ZBED6: variants seen among roughly 807,000 people sequenced by gnomAD.
ZBED6 encodes zinc finger BED-type containing 6.
A neutral mutation model predicts 58.4 loss-of-function variants in ZBED6; 40 were observed. The ratio of observed to expected loss-of-function variants is 0.68; its 90% CI spans 0.53 to 0.89. The LOEUF (loss-of-function observed/expected upper bound fraction) is 0.89. Ranked by LOEUF, ZBED6 falls within the 40% of genes least tolerant of loss-of-function variation. The pLI, the probability that ZBED6 is intolerant of heterozygous loss-of-function variation, is 0.00. For synonymous variants in ZBED6, 439 were observed against 350.6 expected (o/e 1.25, Z -2.82); for missense variants, 1,057 against 1,003.9 (o/e 1.05, Z -0.71).
exon 1 of ZBED6, chr1:203,798,053 A>G: frequency 6.5e-7 from 1 of 1,535,836 alleles, no homozygotes; most frequent in Non-Finnish European, 8.7e-7. Context: ...GACATCTGCA[A>G]GCAAGGCATT....
At chr1:203,851,154 C>A in intron 16 of ZBED6, 30 bp downstream of exon 16, 1 of 1,603,564 alleles carries the variant, frequency 6.2e-7, no homozygotes. Flanking sequence ...TCTAAACAAA[C>A]TCCAGGCCCC....
At chr1:203,816,490 A>G (rs547172606) in intron 1 of ZBED6, among the ~76,000 whole-genome samples, 1 of 152,022 alleles carries the variant, frequency 6.6e-6, no homozygotes, top group Non-Finnish European at 1.5e-5. Context: ...TTAGCTGGGT[A>G]TAGTGGTATG....
intron 3 of ZBED6, among the ~76,000 whole-genome samples, chr1:203,822,022 C>A (rs545459574): frequency 4.0e-5 from 6 of 151,868 alleles, no homozygotes; most frequent in African/African-American, 1.2e-4. Context: ...CTCCCAAAGT[C>A]CTGGGATTAC....
intron 1 of ZBED6, chr1:203,805,613 C>A (rs1039096534): frequency 1.5e-6 from 1 of 663,854 alleles, no homozygotes; most frequent in Non-Finnish European, 2.9e-6. Context: ...TACTTAAATG[C>A]AAATGTATGA....
intron 14 of ZBED6, 49 bp downstream of exon 14, chr1:203,850,075 A>T: frequency 6.4e-7 from 1 of 1,566,886 alleles, no homozygotes; most frequent in Admixed American, 1.9e-5. Flanking sequence ...AAATTACCAA[A>T]TTCAACCCAA....
At chr1:203,830,465 A>G (rs533015337) in intron 7 of ZBED6, among the ~76,000 whole-genome samples, 3 of 152,356 alleles carry the variant, frequency 2.0e-5, no homozygotes, top group East Asian at 1.9e-4. Context: ...AGAACATCAT[A>G]TAAGAACTAT....
intron 9 of ZBED6, among the ~76,000 whole-genome samples, chr1:203,834,673 A>T (rs1683651534): frequency 1.3e-5 from 2 of 152,004 alleles, no homozygotes; most frequent in Non-Finnish European, 2.9e-5. Flanking sequence ...ATTTGAAACG[A>T]GAGTCTTGCT....
rs370619105 is a variant in ZBED6 at position 203,809,410 on chromosome 1, C to T, written c.*2554+6394C>T. Among the ~76,000 whole-genome samples, 14 of 151,338 alleles carry T rather than the reference C, an allele frequency of 9.3e-5. No homozygotes were observed. In the East Asian group the frequency reaches 2.0e-3, roughly 21 times the overall value. On this transcript the variant is annotated intron_variant, in intron 1 of 16. Transcript: ENST00000550078. Reference sequence around the variant, plus strand: ...CAGGCTGGTCTCAAACTCCTGACCTCGTGATCCGCCCATCTCCGAAATCCC... The same window carrying T: ...CAGGCTGGTCTCAAACTCCTGACCTTGTGATCCGCCCATCTCCGAAATCCC...
chr1:203,798,674 C>G (rs1254411562), exon 1 of ZBED6: 2 of 1,535,994 alleles, frequency 1.3e-6, no homozygotes, highest in East Asian at 2.4e-5. Context: ...GTCCTATTCC[C>G]GTTGCAGAGC....
chr1:203,841,520 TAC>T (rs751730582), intron 11 of ZBED6, among the ~76,000 whole-genome samples: 157 of 152,366 alleles, frequency 1.0e-3, no homozygotes, highest in Non-Finnish European at 1.9e-3. Context: ...TTTTTCTTAG[TAC>T]AGAACAAAAT....
rs1242736712 is a variant in ZBED6, at chr1:203,826,943, T to TA, written c.*2874-1355dup. ...AAGAAATAGAGTATTAGCAGTAATC[T>TA]ATCTTCCCCTTCATCCCCTTGTTAC... On this transcript the variant is annotated intron_variant, in intron 3 of 16. Transcript: ENST00000550078. Among the ~76,000 whole-genome samples the TA allele has an allele frequency of 4.4e-3, 668 of 152,336 alleles. 6 individuals carry two copies. The highest frequency in any genetic ancestry group is 0.015 in the African/African-American group (632 of 41,568).
rs1688221675 is a variant in ZBED6 at position 203,847,584 on chromosome 1, G to A, written c.*4142G>A. On this transcript the variant is annotated 3_prime_UTR_variant, in exon 12 of 17. Transcript: ENST00000550078. ...CGCTGGAAGAAATTAAACTGGAGAA[G>A]GCACTGAGGGTGCAGCAGAGCTCTG... The A allele has an allele frequency of 1.9e-6, 3 of 1,613,698 alleles. No individual in the cohort carries two copies. The African/African-American group carries it at 4.0e-5, about 22-fold the overall frequency.
At chr1:203,849,098 T>A (rs982004263) in intron 13 of ZBED6, among the ~76,000 whole-genome samples, 1 of 152,224 alleles carries the variant, frequency 6.6e-6, no homozygotes, top group Non-Finnish European at 1.5e-5. Context: ...TTGTCCAGAG[T>A]GGTCTCGAAC....
intron 3 of ZBED6, among the ~76,000 whole-genome samples, chr1:203,819,751 C>T (rs559191034): frequency 9.6e-4 from 144 of 149,316 alleles, no homozygotes; most frequent in African/African-American, 3.3e-3. Flanking sequence ...TCAGGCTGGT[C>T]TCGAACTCCT....
At chr1:203,813,062 TATATC>T in intron 1 of ZBED6, among the ~76,000 whole-genome samples, 1 of 152,330 alleles carries the variant, frequency 6.6e-6, no homozygotes, top group Non-Finnish European at 1.5e-5. Context: ...ATATATTTTG[TATATC>T]AGACCTTATC....
At chr1:203,804,404 G>A (rs1217975740) in intron 1 of ZBED6, among the ~76,000 whole-genome samples, 14 of 151,606 alleles carry the variant, frequency 9.2e-5, no homozygotes, top group Admixed American at 8.5e-4. Context: ...CGCCCGCCTC[G>A]GCCTCCCAAA....
At chr1:203,828,485 C>A in intron 4 of ZBED6, 63 bp downstream of exon 4, 1 of 1,531,646 alleles carries the variant, frequency 6.5e-7, no homozygotes, top group Non-Finnish European at 8.8e-7. Context: ...CACTGTACAA[C>A]AGTACTTTTC....
intron 1 of ZBED6, among the ~76,000 whole-genome samples, chr1:203,813,492 G>A (rs1343750805): frequency 6.6e-6 from 1 of 151,928 alleles, no homozygotes; most frequent in Non-Finnish European, 1.5e-5. Flanking sequence ...TTTTATATGT[G>A]GATATCCATT....
intron 1 of ZBED6, among the ~76,000 whole-genome samples, chr1:203,803,399 C>T (rs1318214492): frequency 1.3e-4 from 20 of 152,116 alleles, no homozygotes; most frequent in African/African-American, 4.6e-4. Flanking sequence ...CCATCTTGGC[C>T]AGGCTGGTCT....
Sources: gnomAD v4.1 joint callset for allele counts (sites outside exome capture counted in the v4.1 genomes callset) on GRCh38, gnomAD v4.1.1 for gene constraint, MANE v1.5 for transcripts, NCBI Gene and HGNC (gene_info 2026-07-23, HGNC 2026-07-21) for gene names.